The following BMAL1 variants were observed in gnomAD, a reference collection of about 807,000 sequenced individuals.
The protein encoded by BMAL1 is basic helix-loop-helix ARNT-like protein 1.
chr11:13,361,707 G>T, the BMAL1 span, among the ~76,000 whole-genome samples: 1 of 152,180 alleles, frequency 6.6e-6, no homozygotes, highest in African/African-American at 2.4e-5. Flanking sequence ...AACTGGTCTG[G>T]AGTAGGTTAT....
chr11:13,324,227 G>T, the BMAL1 span, among the ~76,000 whole-genome samples: 1 of 152,174 alleles, frequency 6.6e-6, no homozygotes, highest in African/African-American at 2.4e-5. Flanking sequence ...AAGCAAATTT[G>T]TGTCATTTCC....
the BMAL1 span, among the ~76,000 whole-genome samples, chr11:13,346,471 T>G: frequency 2.6e-5 from 4 of 152,204 alleles, no homozygotes; most frequent in Non-Finnish European, 5.9e-5. Flanking sequence ...AGGGTTCAGC[T>G]TCACCCTGCT....
chr11:13,376,716 C>T, the BMAL1 span: 2 of 1,613,724 alleles, frequency 1.2e-6, no homozygotes, highest in African/African-American at 1.3e-5. Flanking sequence ...CAGCATGCTG[C>T]CCTCTGGAGA....
the BMAL1 span, chr11:13,360,241 G>C: frequency 1.1e-6 from 1 of 952,136 alleles, no homozygotes; most frequent in Middle Eastern, 2.2e-4. Context: ...TTAAATACCA[G>C]GTCATAGAGA....
the BMAL1 span, among the ~76,000 whole-genome samples, chr11:13,319,635 G>GCT: frequency 6.6e-6 from 1 of 152,156 alleles, no homozygotes; most frequent in South Asian, 2.1e-4. Context: ...GACTTTGATG[G>GCT]TGGTTATCAT....
the BMAL1 span, among the ~76,000 whole-genome samples, chr11:13,343,983 C>T: frequency 6.6e-6 from 1 of 152,180 alleles, no homozygotes; most frequent in Non-Finnish European, 1.5e-5. Context: ...GCATCTAGAG[C>T]TACCAGTTGA....
At chr11:13,385,653 G>A in the BMAL1 span, 5 of 1,522,882 alleles carry the variant, frequency 3.3e-6, no homozygotes, top group Non-Finnish European at 3.6e-6. Context: ...TCATAATACT[G>A]ATTCAAACTT....
At chr11:13,279,701 G>A in the BMAL1 span, among the ~76,000 whole-genome samples, 1 of 152,172 alleles carries the variant, frequency 6.6e-6, no homozygotes, top group South Asian at 2.1e-4. Context: ...TTACTGATAA[G>A]TCTTTAACGC....
chr11:13,372,324 C>T, the BMAL1 span: 18 of 1,614,046 alleles, frequency 1.1e-5, no homozygotes, highest in Admixed American at 2.7e-4. Flanking sequence ...AGTTCCACAA[C>T]CAGTGAACGG....
the BMAL1 span, among the ~76,000 whole-genome samples, chr11:13,362,589 G>T: frequency 5.3e-5 from 8 of 151,834 alleles, no homozygotes. Context: ...CTTTAGGGTG[G>T]GACCAGGCTC....
chr11:13,355,250 C>T, the BMAL1 span: 1 of 1,613,782 alleles, frequency 6.2e-7, no homozygotes, highest in Non-Finnish European at 8.5e-7. Context: ...TTGGGGAGCA[C>T]AATGGCTGGA....
At chr11:13,356,382 G>C in the BMAL1 span, 4 of 512,192 alleles carry the variant, frequency 7.8e-6, no homozygotes, top group African/African-American at 7.6e-5. Context: ...TGATGGGGGG[G>C]GAGAATGAGA....
chr11:13,325,317 C>T, the BMAL1 span, among the ~76,000 whole-genome samples: 19,798 of 152,218 alleles, frequency 0.13, 1,320 homozygotes, highest in South Asian at 0.21. Flanking sequence ...TGGGAGTCTT[C>T]TTCATGCAGA....
the BMAL1 span, chr11:13,369,795 C>T: frequency 1.1e-5 from 18 of 1,598,846 alleles, no homozygotes; most frequent in Non-Finnish European, 1.4e-5. Context: ...CATTAAAACC[C>T]TGTGACAGGT....
At chr11:13,349,824 T>C in the BMAL1 span, 1 of 152,090 alleles carries the variant, frequency 6.6e-6, no homozygotes, top group Non-Finnish European at 1.5e-5. Context: ...CCAGCCTTCC[T>C]CCCTGTAATT....
chr11:13,375,507 C>T, the BMAL1 span: 114 of 944,218 alleles, frequency 1.2e-4, 1 homozygote, highest in South Asian at 1.4e-4. Flanking sequence ...TACTAAAGAG[C>T]GATGTCGTTG....
At chr11:13,305,062 C>T in the BMAL1 span, among the ~76,000 whole-genome samples, 2 of 152,144 alleles carry the variant, frequency 1.3e-5, no homozygotes, top group East Asian at 1.9e-4. Context: ...CTGTTTCCCA[C>T]GTACTTCCTT....
the BMAL1 span, among the ~76,000 whole-genome samples, chr11:13,298,427 C>G: frequency 2.6e-5 from 4 of 152,212 alleles, no homozygotes; most frequent in African/African-American, 9.7e-5. Context: ...TCACTGCCCC[C>G]CAAATGTTCC....
At chr11:13,375,198 T>C in the BMAL1 span, among the ~76,000 whole-genome samples, 1 of 152,236 alleles carries the variant, frequency 6.6e-6, no homozygotes, top group Admixed American at 6.5e-5. Context: ...TGAGGTTGAA[T>C]AGGTGAGTAG....
Sources: allele counts gnomAD v4.1 joint callset (sites outside exome capture counted in the v4.1 genomes callset), GRCh38; gene constraint gnomAD v4.1.1; transcripts MANE v1.5; gene names NCBI Gene and HGNC (gene_info 2026-07-23, HGNC 2026-07-21).